MFHAS1: variants seen among roughly 807,000 people sequenced by gnomAD.
MFHAS1 encodes multifunctional ROCO family signaling regulator 1.
In MFHAS1, 50 loss-of-function variants were observed where a neutral mutation model predicts 70.4. The ratio of observed to expected loss-of-function variants is 0.71; its 90% CI spans 0.57 to 0.90. The LOEUF is 0.90. MFHAS1 is among the 40% of genes least tolerant of loss of function. MFHAS1 has a pLI of 0.00. For missense variants in MFHAS1, 1,795 were observed against 1,347.6 expected, an observed-to-expected ratio of 1.33 and a Z score of -5.20; for synonymous variants, 952 against 620.0, an observed-to-expected ratio of 1.54 and a Z score of -7.96.
intron 1 of MFHAS1, among the ~76,000 whole-genome samples, chr8:8,825,271 C>A (rs982552303): frequency 6.6e-6 from 1 of 152,210 alleles, no homozygotes; most frequent in Non-Finnish European, 1.5e-5. Context: ...CTCCCGGGTT[C>A]AAGGAATTCT....
At chr8:8,845,929 A>G (rs1808014632) in intron 1 of MFHAS1, among the ~76,000 whole-genome samples, 2 of 151,958 alleles carry the variant, frequency 1.3e-5, no homozygotes, top group South Asian at 2.1e-4. Flanking sequence ...AAATCCATCA[A>G]CAACCCCTTC....
intron 2 of MFHAS1, among the ~76,000 whole-genome samples, chr8:8,794,394 C>T (rs917863727): frequency 6.6e-6 from 1 of 152,182 alleles, no homozygotes; most frequent in African/African-American, 2.4e-5. Context: ...CTCCCGCTTC[C>T]AATCCACTGT....
At chr8:8,836,047 G>C (rs140943018) in intron 1 of MFHAS1, among the ~76,000 whole-genome samples, 22 of 152,302 alleles carry the variant, frequency 1.4e-4, no homozygotes, top group African/African-American at 5.3e-4. Flanking sequence ...AAAGTGTGCT[G>C]AACTCCAATC....
rs905021607 is a variant in MFHAS1, at chr8:8,785,214, A to G, written c.*808T>C. 1 of 152,206 alleles carries G rather than the reference A, an allele frequency of 6.6e-6. No homozygotes were observed. The highest frequency in any genetic ancestry group is 2.4e-5 in the African/African-American group (1 of 41,442). The allele number at this position is 152,206 out of a possible 1,614,324, so 9.4% of individuals were successfully genotyped here. A position where few individuals can be genotyped will look rare whatever the true frequency, so the allele number is the denominator to read the frequency against. The stretch of plus-strand genomic sequence containing the variant: ...TGTGCCCCATCTCTGCCCAGCACTA[A>G]TAACACGTTGGAAGAGCAAAGGATT... On this transcript the variant is annotated 3_prime_UTR_variant, in exon 3 of 3. Coordinates refer to ENST00000276282, the MANE Select transcript of MFHAS1 (RefSeq NM_004225.3).
chr8:8,816,598 TAAAAGA>T (rs2117293993), intron 1 of MFHAS1, among the ~76,000 whole-genome samples: 1 of 152,198 alleles, frequency 6.6e-6, no homozygotes, highest in South Asian at 2.1e-4. Context: ...GTATTGTTGG[TAAAAGA>T]AAAAAAGTAT....
At chr8:8,880,116 T>C (rs1255167823) in intron 1 of MFHAS1, among the ~76,000 whole-genome samples, 1 of 152,184 alleles carries the variant, frequency 6.6e-6, no homozygotes, top group African/African-American at 2.4e-5. Flanking sequence ...CTTTCTGTCC[T>C]CTCATCCACA....
In MFHAS1 at chr8:8,890,731, G is replaced by T. The variant is rs1479066166; in HGVS notation, c.2328C>A (p.Ser776Arg). Residue 776 changes from serine (S) to arginine (R), a missense_variant, in exon 1 of 3, where the codon AGC becomes AGA. Transcript: ENST00000276282. ...SSPPMARSTP[S>R]QELLRATQLH... is the part of the protein sequence containing the mutation. ...GCTGGGTGGCCCGGAGCAGTTCCTG[G>T]CTGGGGGTGGACCGCGCCATGGGCG... The T allele has an allele frequency of 6.2e-7, 1 of 1,613,680 alleles. No homozygotes were observed. The highest frequency in any genetic ancestry group is 1.1e-5 in the South Asian group (1 of 91,052).
chr8:8,857,071 A>C (rs895173028), intron 1 of MFHAS1, among the ~76,000 whole-genome samples: 1 of 152,050 alleles, frequency 6.6e-6, no homozygotes, highest in Non-Finnish European at 1.5e-5. Context: ...TGCAGAAGAA[A>C]ACATCCTAGA....
chr8:8,837,073 A>G (rs1807624885), intron 1 of MFHAS1, among the ~76,000 whole-genome samples: 2 of 152,218 alleles, frequency 1.3e-5, no homozygotes, highest in South Asian at 4.1e-4. Flanking sequence ...TTGGCAAAAC[A>G]TAATAACTAG....
intron 2 of MFHAS1, among the ~76,000 whole-genome samples, chr8:8,789,428 C>T (rs1805655204): frequency 6.6e-6 from 1 of 152,086 alleles, no homozygotes; most frequent in Admixed American, 6.5e-5. Context: ...GATGATGCCA[C>T]GTGAGACATT....
intron 1 of MFHAS1, among the ~76,000 whole-genome samples, chr8:8,889,647 A>C (rs949685090): frequency 6.6e-6 from 1 of 152,220 alleles, no homozygotes; most frequent in African/African-American, 2.4e-5. Flanking sequence ...TGGACACTTG[A>C]AACTCAAACT....
chr8:8,838,587 C>T (rs372991846), intron 1 of MFHAS1, among the ~76,000 whole-genome samples: 16 of 152,010 alleles, frequency 1.1e-4, no homozygotes, highest in South Asian at 4.2e-4. Flanking sequence ...CAGAGGCGGG[C>T]GGATCACCTG....
chr8:8,793,687 C>T (rs1282110121), intron 2 of MFHAS1, among the ~76,000 whole-genome samples: 1 of 152,190 alleles, frequency 6.6e-6, no homozygotes, highest in East Asian at 1.9e-4. Flanking sequence ...ACAGTTTTGC[C>T]TTTGTGCTGC....
At chr8:8,857,783 T>A (rs1808500365) in intron 1 of MFHAS1, among the ~76,000 whole-genome samples, 1 of 152,084 alleles carries the variant, frequency 6.6e-6, no homozygotes, top group Non-Finnish European at 1.5e-5. Flanking sequence ...AAAAAAATCT[T>A]TTGTTTGTAA....
At chr8:8,832,779 C>A (rs1428372006) in intron 1 of MFHAS1, among the ~76,000 whole-genome samples, 2 of 151,978 alleles carry the variant, frequency 1.3e-5, no homozygotes, top group Non-Finnish European at 2.9e-5. Flanking sequence ...CAGGCACATG[C>A]CATTACTACA....
chr8:8,883,706 T>TA (rs1563219802), intron 1 of MFHAS1, among the ~76,000 whole-genome samples: 1 of 35,706 alleles, frequency 2.8e-5, no homozygotes, highest in African/African-American at 1.9e-4. Context: ...AGACTCAGTC[T>TA]CAAAAAAAAA....
At chr8:8,855,520 T>C (rs1232974972) in intron 1 of MFHAS1, among the ~76,000 whole-genome samples, 1 of 152,230 alleles carries the variant, frequency 6.6e-6, no homozygotes, top group Non-Finnish European at 1.5e-5. Flanking sequence ...TCTATCATTC[T>C]ATATATCCCA....
rs1805527599 is a variant in MFHAS1, at chr8:8,785,969, T to G, written c.*53A>C. 3.1e-6 allele frequency: 5 copies of G among 1,592,026 alleles called. No homozygotes were observed. Among genetic ancestry groups the G allele is most frequent in the Admixed American group, 1.7e-5 (1 of 59,880 alleles). ...AGGGTCTGCCAGGTGCAAAAGATGGTCCAGGTGTTCAGATGCTCTCTTTTC... is the reference window on the plus strand; with the variant it reads ...AGGGTCTGCCAGGTGCAAAAGATGGGCCAGGTGTTCAGATGCTCTCTTTTC... On this transcript the variant is annotated 3_prime_UTR_variant, in exon 3 of 3. Transcript: ENST00000276282.
At chr8:8,813,479 A>C (rs1170770363) in intron 1 of MFHAS1, among the ~76,000 whole-genome samples, 2 of 152,222 alleles carry the variant, frequency 1.3e-5, no homozygotes, top group Non-Finnish European at 2.9e-5. Flanking sequence ...CCAGTGCGAC[A>C]AGATGTGGAG....
Sources: gnomAD v4.1 joint callset for allele counts (sites outside exome capture counted in the v4.1 genomes callset) on GRCh38, gnomAD v4.1.1 for gene constraint, MANE v1.5 for transcripts, NCBI Gene and HGNC (gene_info 2026-07-23, HGNC 2026-07-21) for gene names.